SUSD6: variants seen among roughly 807,000 people sequenced by gnomAD.
The protein encoded by SUSD6 is sushi domain containing 6.
SUSD6 carries 16 observed loss-of-function variants against 28.4 expected under a neutral mutation model. The observed-to-expected ratio is 0.56, with a 90% CI of 0.38 to 0.86. SUSD6 has a LOEUF of 0.86. Ranked by LOEUF, SUSD6 falls within the 40% of genes least tolerant of loss-of-function variation. The pLI, the probability that SUSD6 is intolerant of heterozygous loss-of-function variation, is 0.00. For missense variants in SUSD6, 341 were observed against 384.2 expected (o/e 0.89, Z 0.94); for synonymous variants, 147 against 159.6 (o/e 0.92, Z 0.59).
chr14:69,642,023 T>C (rs1282345480), intron 1 of SUSD6, among the ~76,000 whole-genome samples: 2 of 152,242 alleles, frequency 1.3e-5, no homozygotes, highest in Admixed American at 6.5e-5. Flanking sequence ...TTCTGTCATC[T>C]GTCATTTCTT....
chr14:69,626,645 A>G (rs1311333265), intron 1 of SUSD6, among the ~76,000 whole-genome samples: 2 of 152,060 alleles, frequency 1.3e-5, no homozygotes, highest in Non-Finnish European at 2.9e-5. Flanking sequence ...CTACCTATGA[A>G]GCACCCATTT....
At chr14:69,662,909 G>T (rs1322708334) in intron 2 of SUSD6, among the ~76,000 whole-genome samples, 2 of 152,214 alleles carry the variant, frequency 1.3e-5, no homozygotes, top group Admixed American at 6.5e-5. Context: ...ATAAAATGAA[G>T]TGTGTGATGT....
At chr14:69,671,376 G>A (rs1230163718) in intron 2 of SUSD6, among the ~76,000 whole-genome samples, 6 of 152,212 alleles carry the variant, frequency 3.9e-5, no homozygotes, top group Admixed American at 3.9e-4. Flanking sequence ...TGGGCTAGGT[G>A]AGGCTGCCCT....
At chr14:69,683,301 G>A (rs918864771) in intron 2 of SUSD6, among the ~76,000 whole-genome samples, 2 of 152,166 alleles carry the variant, frequency 1.3e-5, no homozygotes, top group Non-Finnish European at 2.9e-5. Context: ...GACACCATCA[G>A]GTATTTGTCT....
At chr14:69,702,613 G>A (rs1462021262) in intron 2 of SUSD6, among the ~76,000 whole-genome samples, 2 of 152,230 alleles carry the variant, frequency 1.3e-5, no homozygotes, top group Non-Finnish European at 2.9e-5. Context: ...CTGGTGGAAA[G>A]AGCAGAGGTT....
chr14:69,685,741 G>A (rs191376295), intron 2 of SUSD6, among the ~76,000 whole-genome samples: 19 of 152,340 alleles, frequency 1.2e-4, no homozygotes, highest in African/African-American at 4.6e-4. Context: ...AACCCGTGGT[G>A]GGGGAGTGAG....
intron 1 of SUSD6, among the ~76,000 whole-genome samples, chr14:69,613,361 G>C (rs985875218): frequency 3.9e-5 from 6 of 152,128 alleles, no homozygotes; most frequent in African/African-American, 1.4e-4. Flanking sequence ...TTTCTGGTTT[G>C]TTTACCTTTT....
chr14:69,688,673 G>T (rs536232923), intron 2 of SUSD6, among the ~76,000 whole-genome samples: 1 of 152,244 alleles, frequency 6.6e-6, no homozygotes, highest in African/African-American at 2.4e-5. Context: ...TGGAAAACTC[G>T]CAATGGATTT....
intron 1 of SUSD6, among the ~76,000 whole-genome samples, chr14:69,648,428 G>C (rs1233831941): frequency 6.6e-6 from 1 of 152,188 alleles, no homozygotes; most frequent in Non-Finnish European, 1.5e-5. Flanking sequence ...TTTGACCTGA[G>C]AACTCACTTT....
chr14:69,647,587 G>A (rs1012995228), intron 1 of SUSD6, among the ~76,000 whole-genome samples: 6 of 152,156 alleles, frequency 3.9e-5, no homozygotes, highest in African/African-American at 1.4e-4. Context: ...TAACATAAAG[G>A]CTGAGGATGT....
intron 4 of SUSD6, among the ~76,000 whole-genome samples, chr14:69,707,783 A>G (rs1361104823): frequency 6.6e-6 from 1 of 152,218 alleles, no homozygotes; most frequent in Non-Finnish European, 1.5e-5. Flanking sequence ...AAAAAAATAT[A>G]TGCAAAACTA....
rs557588954 is a variant in SUSD6 at position 69,700,829 on chromosome 14, C to T, written c.122-2566C>T. Among the ~76,000 whole-genome samples, 19 of 152,300 alleles carry T rather than the reference C, an allele frequency of 1.2e-4. 1 individual carries two copies. The highest frequency in any genetic ancestry group is 1.0e-3 in the Admixed American group (16 of 15,298). ...GACTCTGGAAAGAGGAACCCAGTGA[C>T]GGGACACTGTGCACCCTTTTTGAAT... On this transcript the variant is annotated intron_variant, in intron 2 of 5. Transcript: ENST00000342745.
intron 2 of SUSD6, among the ~76,000 whole-genome samples, chr14:69,681,189 T>G (rs1241846531): frequency 1.3e-5 from 2 of 152,216 alleles, no homozygotes; most frequent in Non-Finnish European, 2.9e-5. Context: ...CACCAATTAT[T>G]GTGCATTTTG....
chr14:69,685,603 T>G (rs1310281815), intron 2 of SUSD6, among the ~76,000 whole-genome samples: 5 of 152,210 alleles, frequency 3.3e-5, no homozygotes, highest in Non-Finnish European at 7.3e-5. Context: ...CCAGAGATTT[T>G]GGAGCCTCGA....
chr14:69,625,830 G>A (rs1885106606), intron 1 of SUSD6, among the ~76,000 whole-genome samples: 1 of 152,162 alleles, frequency 6.6e-6, no homozygotes, highest in Non-Finnish European at 1.5e-5. Context: ...GGCCTTCTCT[G>A]TGAAACCATC....
rs192495468 is a variant in SUSD6 at position 69,619,130 on chromosome 14, C to G, written c.-81+7302C>G. ...GTGTGATCACCTCTTTGTTTCTCCC[C>G]CTCTTCTGGGCCTGGTCCCGGAATG... On this transcript the variant is annotated intron_variant, in intron 1 of 5. Coordinates refer to ENST00000342745, the MANE Select transcript of SUSD6 (RefSeq NM_014734.4). Among the ~76,000 whole-genome samples the G allele has an allele frequency of 3.3e-5, 5 of 152,312 alleles. No homozygotes were observed. The East Asian group carries it at 9.7e-4, about 29-fold the overall frequency.
intron 1 of SUSD6, among the ~76,000 whole-genome samples, chr14:69,643,798 G>A (rs764651027): frequency 6.6e-5 from 10 of 152,180 alleles, no homozygotes; most frequent in Admixed American, 2.6e-4. Context: ...TGAAGTATAG[G>A]TCTGTTACCT....
At chr14:69,669,207 G>T (rs549722652) in intron 2 of SUSD6, among the ~76,000 whole-genome samples, 147 of 151,904 alleles carry the variant, frequency 9.7e-4, no homozygotes, top group African/African-American at 3.5e-3. Context: ...GGGATTACAG[G>T]CATGTGCCAC....
rs540733102 is a variant in SUSD6 at position 69,660,649 on chromosome 14, G to T, written c.121+1936G>T. On this transcript the variant is annotated intron_variant, in intron 2 of 5. Coordinates refer to ENST00000342745, the MANE Select transcript of SUSD6 (RefSeq NM_014734.4). ...TCTTTAGAGCAGAAGTTGGCAAACTGGCCCACAGGCCAAATCCTACCTGCC... is the reference window on the plus strand; with the variant it reads ...TCTTTAGAGCAGAAGTTGGCAAACTTGCCCACAGGCCAAATCCTACCTGCC... 5.3e-5 allele frequency among the ~76,000 whole-genome samples: 8 copies of T among 152,358 alleles called. No homozygotes were observed. The South Asian group carries it at 1.7e-3, about 32-fold the overall frequency.
Sources: allele counts gnomAD v4.1 joint callset (sites outside exome capture counted in the v4.1 genomes callset), GRCh38; gene constraint gnomAD v4.1.1; transcripts MANE v1.5; gene names NCBI Gene and HGNC (gene_info 2026-07-23, HGNC 2026-07-21).